The following WDHD1 variants were observed in gnomAD, a reference collection of about 807,000 sequenced individuals.
The protein encoded by WDHD1 is WD repeat and HMG-box DNA binding protein 1.
A neutral mutation model predicts 135.4 loss-of-function variants in WDHD1; 111 were observed. The ratio of observed to expected loss-of-function variants is 0.82; its 90% confidence interval spans 0.70 to 0.96. WDHD1 has a LOEUF of 0.96. Among genes scored for constraint, WDHD1 ranks in the 40% least tolerant of loss-of-function variants. WDHD1 has a pLI of 0.00. For synonymous variants in WDHD1, 434 were observed against 439.0 expected (o/e 0.99, Z 0.14); for missense variants, 1,351 against 1,336.3 (o/e 1.01, Z -0.17).
chr14:54,983,934 T>C (rs987994752), intron 15 of WDHD1, among the ~76,000 whole-genome samples: 1 of 152,168 alleles, frequency 6.6e-6, no homozygotes, highest in African/African-American at 2.4e-5. Flanking sequence ...ATAAAAAAAT[T>C]GATTTTTATA....
intron 10 of WDHD1, among the ~76,000 whole-genome samples, chr14:54,999,751 C>T (rs981649349): frequency 2.6e-5 from 4 of 152,094 alleles, no homozygotes; most frequent in African/African-American, 4.8e-5. Context: ...CAGGCACACA[C>T]CACCACACTT....
intron 24 of WDHD1, among the ~76,000 whole-genome samples, chr14:54,946,214 T>C (rs536181328): frequency 6.6e-6 from 1 of 152,232 alleles, no homozygotes; most frequent in South Asian, 2.1e-4. Context: ...AAATTGAACA[T>C]TTCTTTCTTT....
intron 3 of WDHD1, 113 bp downstream of exon 3, chr14:55,013,372 T>C (rs1353444114): frequency 1.4e-6 from 1 of 705,462 alleles, no homozygotes; most frequent in African/African-American, 1.8e-5. Flanking sequence ...TTTAAAATAT[T>C]ATTTCATGAG....
intron 18 of WDHD1, among the ~76,000 whole-genome samples, chr14:54,963,888 G>A (rs987126252): frequency 1.1e-4 from 17 of 151,410 alleles, no homozygotes; most frequent in African/African-American, 2.9e-4. Context: ...AAGGCAGAGG[G>A]ACTGCTAGAG....
chr14:54,956,793 T>C (rs1163401213), intron 23 of WDHD1, among the ~76,000 whole-genome samples: 1 of 152,128 alleles, frequency 6.6e-6, no homozygotes, highest in East Asian at 1.9e-4. Flanking sequence ...ATCTCTTATG[T>C]TTCCCAGACT....
chr14:54,939,273 G>A lies in WDHD1; in HGVS notation c.*2217C>T, dbSNP rs2040806842. ...ATGGGCCTCATCCTTTTGTCCAAAG[G>A]GACTACCTGGCATCTGTTCCATGTT... On this transcript the variant is annotated 3_prime_UTR_variant, in exon 26 of 26. Transcript: ENST00000360586. 1 of 152,120 alleles carries A rather than the reference G, an allele frequency of 6.6e-6. No individual in the cohort carries two copies. The highest frequency in any genetic ancestry group is 2.4e-5 in the African/African-American group (1 of 41,404). 9.4% of individuals were successfully genotyped at this position (152,120 alleles called of 1,614,324 possible).
intron 3 of WDHD1, among the ~76,000 whole-genome samples, chr14:55,010,724 A>AATC (rs1298137725): frequency 3.3e-5 from 5 of 152,222 alleles, no homozygotes; most frequent in Non-Finnish European, 7.3e-5. Flanking sequence ...AAAATGTTTG[A>AATC]ATAGTACTTC....
rs750993389 is a variant in WDHD1, at chr14:54,995,679, A to C, written c.1077T>G (p.Asp359Glu). 3.1e-6 allele frequency: 5 copies of C among 1,613,804 alleles called. No individual in the cohort carries two copies. The South Asian group carries it at 3.3e-5, about 11-fold the overall frequency. The change falls in exon 11 of 26, where the codon GAT becomes GAG. Residue 359 changes from aspartate (D) to glutamate (E), a missense_variant. Transcript: ENST00000360586. ...CTGAAGCCATCATGAGGTCTTCATC[A>C]TCCTCATCATCATTTATAATCCCTT... ...FSKGIINDDE[D>E]DEDLMMASGR...
intron 10 of WDHD1, among the ~76,000 whole-genome samples, chr14:54,999,332 C>T (rs117513209): frequency 0.025 from 3,759 of 152,304 alleles, 67 homozygotes; most frequent in South Asian, 0.04. Context: ...AACATTCTGC[C>T]AGAATGCATG....
Position 54,991,326 on chromosome 14 carries a change from T to A in WDHD1, c.1228A>T (p.Asn410Tyr), listed in dbSNP as rs766079090. Residue 410 changes from asparagine to tyrosine, a missense_variant, in exon 12 of 26, where the codon AAT becomes TAT. Around this residue, in one of 2 missense-constraint regions of WDHD1, gnomAD observed 1,330 missense variants for 1,296.1 expected, o/e 1.03. Coordinates refer to ENST00000360586, the MANE Select transcript of WDHD1 (RefSeq NM_007086.4). ...CTTTGGGATGTTACAAGTGGTAGAT[T>A]GTGAATGCTGCCTTCTTGACCATCT... ...EEDGQEGSIH[N>Y]LPLVTSQRPF... 2 of 1,614,086 alleles carry A rather than the reference T, an allele frequency of 1.2e-6. No individual in the cohort carries two copies. The highest frequency in any genetic ancestry group is 1.7e-6 in the Non-Finnish European group (2 of 1,180,024).
intron 3 of WDHD1, among the ~76,000 whole-genome samples, chr14:55,012,293 T>G (rs573918540): frequency 6.6e-6 from 1 of 152,280 alleles, no homozygotes; most frequent in Non-Finnish European, 1.5e-5. Flanking sequence ...GCGCCTGGGT[T>G]TGGAAAAAAT....
intron 15 of WDHD1, among the ~76,000 whole-genome samples, chr14:54,982,308 C>A (rs759845930): frequency 6.6e-6 from 1 of 151,982 alleles, no homozygotes; most frequent in East Asian, 1.9e-4. Context: ...CGCGCCCGGC[C>A]GATAATAATT....
In WDHD1 at chr14:55,008,726, A is replaced by G; in HGVS notation, c.342-7T>C. The G allele has an allele frequency of 6.3e-7, 1 of 1,593,722 alleles. No individual in the cohort carries two copies. Among genetic ancestry groups the G allele is most frequent in the East Asian group, 2.2e-5 (1 of 44,784 alleles). On this transcript the variant is annotated splice_region_variant and splice_polypyrimidine_tract_variant and intron_variant, in intron 4 of 25. Transcript: ENST00000360586. ...AATTTTGACTAGAAAATCACTAAGA[A>G]CAAAAAGAGTAACGCAAATGAATAA...
intron 21 of WDHD1, among the ~76,000 whole-genome samples, chr14:54,961,807 G>A (rs991273622): frequency 6.6e-6 from 1 of 151,494 alleles, no homozygotes; most frequent in Admixed American, 6.6e-5. Flanking sequence ...TTATCCCCCA[G>A]GCCCACTCCC....
At chr14:55,026,652 G>C (rs2042448455) in intron 2 of WDHD1, 59 bp downstream of exon 2, 1 of 1,549,970 alleles carries the variant, frequency 6.5e-7, no homozygotes, top group Non-Finnish European at 8.9e-7. Flanking sequence ...CACATATAAA[G>C]TTTAAGGATA....
At chr14:55,005,630 G>A (rs1249422642) in intron 7 of WDHD1, 8 of 591,914 alleles carry the variant, frequency 1.4e-5, no homozygotes, top group Non-Finnish European at 2.6e-5. Context: ...GGTTCCTCCT[G>A]CAAGGAACTT....
In WDHD1 at chr14:55,007,371, C is replaced by T. The variant is rs2042091270; in HGVS notation, c.509G>A (p.Cys170Tyr). 1 of 1,591,082 alleles carries T rather than the reference C, an allele frequency of 6.3e-7. No individual in the cohort carries two copies. The highest frequency in any genetic ancestry group is 1.4e-5 in the African/African-American group (1 of 73,626). The change falls in exon 7 of 26, where the codon TGT becomes TAT. Residue 170 changes from cysteine (C) to tyrosine (Y), a missense_variant. Physicochemically the swap from Cys to Tyr is radical, Grantham distance 194. Transcript: ENST00000360586. ...TTGTAGCAGTGGCCAACTAATAGCA[C>T]ATGTCTAATTGGTAAAAAAAGAAAA... ...VRVWQISDQT[C>Y]AISWPLLQKC...
chr14:54,985,712 TGACAGTCCAAGAGATG>T (rs2041684815), intron 14 of WDHD1, among the ~76,000 whole-genome samples: 2 of 152,286 alleles, frequency 1.3e-5, no homozygotes, highest in South Asian at 4.1e-4. Flanking sequence ...GAGGCTACTA[TGACAGTCCAAGAGATG>T]ACATCCAGGT....
rs2040829105 is a variant in WDHD1, at chr14:54,941,031, T to A, written c.*459A>T. 1 of 152,296 alleles carries A rather than the reference T, an allele frequency of 6.6e-6. No individual in the cohort carries two copies. The highest frequency in any genetic ancestry group is 1.5e-5 in the Non-Finnish European group (1 of 68,134). The allele number at this position is 152,296 out of a possible 1,614,324, so 9.4% of individuals were successfully genotyped here. On this transcript the variant is annotated 3_prime_UTR_variant, in exon 26 of 26. Transcript: ENST00000360586. ...TTTACATGTTTAGGGCCAGTATTAT[T>A]AAAAGACGTCATCCCCTAGGTCTAG...
Sources: gnomAD v4.1 joint callset for allele counts (sites outside exome capture counted in the v4.1 genomes callset) on GRCh38, gnomAD v4.1.1 for gene constraint, gnomAD v4.1.1 regional missense constraint, MANE v1.5 for transcripts, NCBI Gene and HGNC (gene_info 2026-07-23, HGNC 2026-07-21) for gene names.